The following SPOCK3 variants were observed in gnomAD, a reference collection of about 807,000 sequenced individuals.
SPOCK3 encodes testican-3.
In SPOCK3, 30 loss-of-function variants were observed where a neutral mutation model predicts 56.6. The ratio of observed to expected loss-of-function variants is 0.53; its 90% CI spans 0.40 to 0.72. The LOEUF (loss-of-function observed/expected upper bound fraction) is 0.72. Ranked by LOEUF, SPOCK3 falls within the 30% of genes least tolerant of loss-of-function variation. The pLI, the probability that SPOCK3 is intolerant of heterozygous loss-of-function variation, is 0.00. For synonymous variants in SPOCK3, 196 were observed against 183.3 expected, an observed-to-expected ratio of 1.07 and a Z score of -0.56; for missense variants, 527 against 530.0, an observed-to-expected ratio of 0.99 and a Z score of 0.06.
intron 2 of SPOCK3, among the ~76,000 whole-genome samples, chr4:167,063,515 G>A (rs1755806468): frequency 6.6e-6 from 1 of 151,806 alleles, no homozygotes; most frequent in Admixed American, 6.6e-5. Flanking sequence ...AATTCAAAAG[G>A]GGTCAGCAGA....
At chr4:167,018,135 T>C (rs1004639170) in intron 3 of SPOCK3, among the ~76,000 whole-genome samples, 4 of 152,236 alleles carry the variant, frequency 2.6e-5, no homozygotes, top group African/African-American at 4.8e-5. Flanking sequence ...TAATAAATGA[T>C]CTTGATTAAT....
intron 3 of SPOCK3, among the ~76,000 whole-genome samples, chr4:167,038,646 G>A (rs140870709): frequency 0.023 from 1,857 of 79,732 alleles, 22 homozygotes; most frequent in Non-Finnish European, 0.03. Flanking sequence ...CGTGGTGCAT[G>A]TTTTGTTTAT....
chr4:166,791,697 C>G (rs922107439), intron 7 of SPOCK3, among the ~76,000 whole-genome samples: 3 of 149,704 alleles, frequency 2.0e-5, no homozygotes, highest in African/African-American at 7.4e-5. Flanking sequence ...CTTTTTTTTC[C>G]TTCTGTGTTT....
intron 3 of SPOCK3, among the ~76,000 whole-genome samples, chr4:167,025,148 TC>T (rs1375845622): frequency 6.6e-6 from 1 of 151,652 alleles, no homozygotes; most frequent in African/African-American, 2.4e-5. Flanking sequence ...ACTGGTTCTA[TC>T]ATTTTCTGCT....
chr4:166,834,198 T>C (rs1470304689), intron 6 of SPOCK3, among the ~76,000 whole-genome samples: 1 of 152,154 alleles, frequency 6.6e-6, no homozygotes, highest in Admixed American at 6.5e-5. Flanking sequence ...GAAAATAACC[T>C]AGAATTGATT....
At chr4:166,842,482 A>G (rs1218768962) in intron 6 of SPOCK3, among the ~76,000 whole-genome samples, 2 of 152,146 alleles carry the variant, frequency 1.3e-5, no homozygotes, top group African/African-American at 4.8e-5. Context: ...CAGATTAACT[A>G]GACACAGAGC....
At chr4:166,972,492 TAA>T (rs1330916761) in intron 4 of SPOCK3, among the ~76,000 whole-genome samples, 1 of 152,094 alleles carries the variant, frequency 6.6e-6, no homozygotes. Flanking sequence ...ACCCACTTTT[TAA>T]AACTCTCAGA....
intron 6 of SPOCK3, among the ~76,000 whole-genome samples, chr4:166,840,746 C>G (rs957564195): frequency 8.0e-6 from 1 of 125,204 alleles, no homozygotes; most frequent in African/African-American, 3.2e-5. Context: ...AAAGCTATGT[C>G]TAATTCATCT....
chr4:166,827,838 GA>G lies in SPOCK3; in HGVS notation c.590-35550del, dbSNP rs70955696. ...CTTATACATACCTTACTCATCAAGG[GA>G]AAAAAAAAAAAACTGTATGACTGAA... On this transcript the variant is annotated intron_variant, in intron 6 of 10. Transcript: ENST00000357545. 2.8e-3 allele frequency among the ~76,000 whole-genome samples: 408 copies of G among 144,998 alleles called. 3 individuals carry two copies. Among genetic ancestry groups the G allele is most frequent in the East Asian group, 0.015 (72 of 4,892 alleles).
At chr4:166,889,039 C>A in intron 6 of SPOCK3, 91 bp downstream of exon 6, 4 of 784,802 alleles carry the variant, frequency 5.1e-6, no homozygotes, top group East Asian at 5.4e-5. Context: ...TAAAAACAAA[C>A]TTCATTGTGT....
intron 2 of SPOCK3, among the ~76,000 whole-genome samples, chr4:167,205,285 T>TTATATAC (rs1733985088): frequency 2.0e-5 from 1 of 50,940 alleles, no homozygotes; most frequent in Non-Finnish European, 3.7e-5. Flanking sequence ...ATATTATATA[T>TTATATAC]ATTTTATATC....
At chr4:166,738,592 T>G (rs1295436828) in intron 9 of SPOCK3, among the ~76,000 whole-genome samples, 1 of 148,158 alleles carries the variant, frequency 6.7e-6, no homozygotes, top group Non-Finnish European at 1.5e-5. Flanking sequence ...TAGCATTAGG[T>G]ATATCTCCTA....
chr4:166,928,005 C>A (rs1232222144), intron 4 of SPOCK3, among the ~76,000 whole-genome samples: 1 of 152,116 alleles, frequency 6.6e-6, no homozygotes, highest in Non-Finnish European at 1.5e-5. Context: ...TTATTCAGGA[C>A]TCGCAAATTG....
chr4:167,223,110 T>TATTTTATATATG (rs1736200179), intron 2 of SPOCK3, among the ~76,000 whole-genome samples: 6 of 88,784 alleles, frequency 6.8e-5, no homozygotes, highest in Non-Finnish European at 1.2e-4. Context: ...TATGAATATA[T>TATTTTATATATG]AATATATATT....
intron 7 of SPOCK3, among the ~76,000 whole-genome samples, chr4:166,777,400 T>C (rs1455889290): frequency 6.6e-6 from 1 of 152,220 alleles, no homozygotes; most frequent in African/African-American, 2.4e-5. Flanking sequence ...TATTGCAACC[T>C]AGCTGAGTCA....
chr4:167,044,916 GT>G (rs1753579744), intron 3 of SPOCK3, among the ~76,000 whole-genome samples: 1 of 152,060 alleles, frequency 6.6e-6, no homozygotes, highest in Admixed American at 6.6e-5. Context: ...GTCTATAGAT[GT>G]CAATTTTATC....
intron 6 of SPOCK3, among the ~76,000 whole-genome samples, chr4:166,856,804 C>CTATCTATCTAGATATCTAGA (rs752760074): frequency 2.0e-4 from 30 of 150,282 alleles, no homozygotes; most frequent in Admixed American, 8.6e-4. Flanking sequence ...ATCTATCTAT[C>CTATCTATCTAGATATCTAGA]TATCTAGATA....
In SPOCK3 at chr4:166,900,081, T is replaced by A. The variant is rs967673808; in HGVS notation, c.475-10837A>T. Among the ~76,000 whole-genome samples, 6 of 152,296 alleles carry A rather than the reference T, an allele frequency of 3.9e-5. No individual in the cohort carries two copies. In the South Asian group the frequency reaches 1.2e-3, roughly 32 times the overall value. ...TACCTGTGGGACTCCACAACCCTCATGAGCACCTTGAGCTACAAACCTCTA... is the reference window on the plus strand; with the variant it reads ...TACCTGTGGGACTCCACAACCCTCAAGAGCACCTTGAGCTACAAACCTCTA... On this transcript the variant is annotated intron_variant, in intron 5 of 10. Coordinates refer to ENST00000357545, the MANE Select transcript of SPOCK3 (RefSeq NM_001040159.2).
rs539847221 is a variant in SPOCK3, at chr4:166,918,820, T to C, written c.351-6077A>G. Among the ~76,000 whole-genome samples, 3 of 152,136 alleles carry C rather than the reference T, an allele frequency of 2.0e-5. No homozygotes were observed. The South Asian group carries it at 6.2e-4, about 32-fold the overall frequency. On this transcript the variant is annotated intron_variant, in intron 4 of 10. Transcript: ENST00000357545. ...GAGGTGGGGCCTGGGGGAAGGTGTT[T>C]GGGTCATAGGGGTGGATCCCTCATG...
Sources: allele counts gnomAD v4.1 joint callset (sites outside exome capture counted in the v4.1 genomes callset), GRCh38; gene constraint gnomAD v4.1.1; transcripts MANE v1.5; gene names NCBI Gene and HGNC (gene_info 2026-07-23, HGNC 2026-07-21).